NRDC: variants seen among roughly 807,000 people sequenced by gnomAD.
NRDC encodes the protein nardilysin.
NRDC carries 54 observed loss-of-function variants against 147.1 expected under a neutral mutation model. That is an observed-to-expected ratio of 0.37 (90% CI 0.29 to 0.46). NRDC has a LOEUF of 0.46. NRDC is among the 20% of genes least tolerant of loss of function. NRDC has a pLI of 1.00. For synonymous variants in NRDC, 440 were observed against 482.1 expected, an observed-to-expected ratio of 0.91 and a Z score of 1.14; for missense variants, 1,082 against 1,370.6, an observed-to-expected ratio of 0.79 and a Z score of 3.33.
intron 1 of NRDC, among the ~76,000 whole-genome samples, chr1:51,872,676 C>A (rs997635413): frequency 6.6e-6 from 1 of 152,060 alleles, no homozygotes; most frequent in South Asian, 2.1e-4. Context: ...TGCACTCCAG[C>A]CTGGGTGACA....
At chr1:51,813,474 T>A (rs1335715735) in intron 14 of NRDC, among the ~76,000 whole-genome samples, 2 of 151,970 alleles carry the variant, frequency 1.3e-5, no homozygotes, top group Non-Finnish European at 2.9e-5. Context: ...TCATAACATA[T>A]CCCATACGCT....
chr1:51,853,334 GCTTA>G (rs1370664273), intron 1 of NRDC, among the ~76,000 whole-genome samples: 1 of 151,856 alleles, frequency 6.6e-6, no homozygotes, highest in African/African-American at 2.4e-5. Flanking sequence ...TATATAAAAG[GCTTA>G]CTTGATTTTG....
chr1:51,871,627 T>A (rs1024338417), intron 1 of NRDC, among the ~76,000 whole-genome samples: 1 of 149,348 alleles, frequency 6.7e-6, no homozygotes. Flanking sequence ...CTTATGAAGA[T>A]CCTTAGCCTT....
At chr1:51,875,892 T>C (rs1286169445) in intron 1 of NRDC, among the ~76,000 whole-genome samples, 3 of 152,140 alleles carry the variant, frequency 2.0e-5, no homozygotes, top group Non-Finnish European at 4.4e-5. Context: ...CTCTCTACTA[T>C]TGTAAGCTCC....
At chr1:51,830,463 A>C (rs990634582) in intron 4 of NRDC, among the ~76,000 whole-genome samples, 13 of 152,176 alleles carry the variant, frequency 8.5e-5, no homozygotes, top group Non-Finnish European at 1.3e-4. Flanking sequence ...CCTAGAAGGA[A>C]GGCATCTTCC....
At chr1:51,817,408 T>C (rs991299359) in intron 10 of NRDC, among the ~76,000 whole-genome samples, 1 of 151,900 alleles carries the variant, frequency 6.6e-6, no homozygotes, top group Non-Finnish European at 1.5e-5. Context: ...TAAATAATTC[T>C]CTGGCCCATG....
rs149215603 is a variant in NRDC, at chr1:51,869,358, A to C, written c.341+8917T>G. Among the ~76,000 whole-genome samples, 666 of 152,314 alleles carry C rather than the reference A, an allele frequency of 4.4e-3. 25 individuals are homozygous for C. The South Asian group carries it at 0.088, about 20-fold the overall frequency. On this transcript the variant is annotated intron_variant, in intron 1 of 30. Transcript: ENST00000352171. ...TCTTGTAATTACTAAAAAATAAATA[A>C]AACAAAAGTCAAATCTCTCCTTCCT... is the stretch of plus-strand genomic sequence containing the variant.
chr1:51,817,994 A>C (rs1680049357), intron 10 of NRDC, 72 bp downstream of exon 10: 17 of 1,153,636 alleles, frequency 1.5e-5, no homozygotes, highest in Non-Finnish European at 2.1e-5. Flanking sequence ...CCCCAAACTT[A>C]AACCATTTAG....
intron 2 of NRDC, chr1:51,837,508 C>A: frequency 6.3e-7 from 1 of 1,590,780 alleles, no homozygotes; most frequent in Admixed American, 1.7e-5. Context: ...TCCAACTACC[C>A]CATAAAGATT....
At chr1:51,810,079 C>A (rs1025682171) in intron 16 of NRDC, among the ~76,000 whole-genome samples, 15 of 152,086 alleles carry the variant, frequency 9.9e-5, no homozygotes, top group African/African-American at 3.1e-4. Flanking sequence ...ACCAAGATAA[C>A]AGAATTTTTT....
intron 4 of NRDC, 139 bp from the exon 5 acceptor site, chr1:51,828,008 C>G: frequency 1.5e-6 from 1 of 662,240 alleles, no homozygotes; most frequent in Non-Finnish European, 2.6e-6. Flanking sequence ...ATCTGCATTT[C>G]TATATTTTAA....
intron 7 of NRDC, 119 bp from the exon 8 acceptor site, chr1:51,821,674 C>T (rs1680212703): frequency 1.4e-6 from 1 of 698,960 alleles, no homozygotes; most frequent in African/African-American, 1.8e-5. Context: ...TTAATTTGGC[C>T]ATTACTTGCC....
At chr1:51,837,422 G>T in intron 2 of NRDC, 1 of 1,365,348 alleles carries the variant, frequency 7.3e-7, no homozygotes. Context: ...TTAAAACATT[G>T]GGGAATATCC....
At chr1:51,809,913 AAAAAG>A (rs1377745057) in intron 16 of NRDC, among the ~76,000 whole-genome samples, 6 of 152,030 alleles carry the variant, frequency 3.9e-5, no homozygotes, top group Admixed American at 6.6e-5. Flanking sequence ...CTCAAAAAAA[AAAAAG>A]AAAAGAAAAA....
At chr1:51,846,611 T>G (rs1681616283) in intron 1 of NRDC, among the ~76,000 whole-genome samples, 1 of 152,364 alleles carries the variant, frequency 6.6e-6, no homozygotes, top group African/African-American at 2.4e-5. Flanking sequence ...GTTCGTACTC[T>G]CGCTGGCTTC....
intron 7 of NRDC, among the ~76,000 whole-genome samples, chr1:51,823,271 G>C (rs1225372961): frequency 6.6e-6 from 1 of 152,144 alleles, no homozygotes; most frequent in Non-Finnish European, 1.5e-5. Context: ...CCTTATGTAA[G>C]AATGAACAAA....
intron 1 of NRDC, among the ~76,000 whole-genome samples, chr1:51,854,040 T>A (rs1682115286): frequency 6.6e-6 from 1 of 152,350 alleles, no homozygotes; most frequent in South Asian, 2.1e-4. Flanking sequence ...GTGCCATGCC[T>A]GGGACTCATG....
chr1:51,857,284 C>G (rs987805525), intron 1 of NRDC, among the ~76,000 whole-genome samples: 2 of 152,198 alleles, frequency 1.3e-5, no homozygotes, highest in Non-Finnish European at 2.9e-5. Context: ...ACTCCAAATG[C>G]CCGAACTGTA....
rs1411118559 is a variant in NRDC at position 51,837,462 on chromosome 1, T to C, written c.631-1250A>G. The C allele has an allele frequency of 1.9e-6, 3 of 1,540,576 alleles. No individual in the cohort carries two copies. In the South Asian group the frequency reaches 3.7e-5, roughly 19 times the overall value. The stretch of plus-strand genomic sequence containing the variant: ...CTTCAAACCACAATCTAACCTGTTC[T>C]GTGATGTTTTAATAGGTGCCTAACC... On this transcript the variant is annotated intron_variant, in intron 2 of 30. Coordinates refer to ENST00000352171, the MANE Select transcript of NRDC (RefSeq NM_001101662.2).
Sources: gnomAD v4.1 joint callset for allele counts (sites outside exome capture counted in the v4.1 genomes callset) on GRCh38, gnomAD v4.1.1 for gene constraint, MANE v1.5 for transcripts, NCBI Gene and HGNC (gene_info 2026-07-23, HGNC 2026-07-21) for gene names.